Variants in VWF observed in about 807,000 individuals in gnomAD.
The protein encoded by VWF is Factor VIII related antigen.
A neutral mutation model predicts 308.6 loss-of-function variants in VWF; 176 were observed. The ratio of observed to expected loss-of-function variants is 0.57; its 90% confidence interval spans 0.50 to 0.65. VWF has a LOEUF of 0.65. Ranked by LOEUF, VWF falls within the 30% of genes least tolerant of loss-of-function variation. The pLI is 0.00. For synonymous variants in VWF, 1,385 were observed against 1,443.4 expected, an observed-to-expected ratio of 0.96 and a Z score of 0.92; for missense variants, 3,146 against 3,648.2, an observed-to-expected ratio of 0.86 and a Z score of 3.55.
intron 44 of VWF, among the ~76,000 whole-genome samples, chr12:5,969,966 C>G (rs1241814077): frequency 6.6e-6 from 1 of 152,214 alleles, no homozygotes; most frequent in Non-Finnish European, 1.5e-5. Flanking sequence ...GAAAATGTCA[C>G]TCCGAGTGCC....
chr12:6,013,342 T>A (rs758793820), intron 32 of VWF, 139 bp downstream of exon 32: 5 of 1,060,082 alleles, frequency 4.7e-6, no homozygotes, highest in African/African-American at 4.7e-5. Context: ...AAGGTCCTGG[T>A]CTATATAATA....
In VWF at chr12:5,951,898, A is replaced by C. The variant is rs1460296329; in HGVS notation, c.8116-15T>G. ...ATAATTTTACCCTAAGAAAACAGCAAAATTTCAGGTTAGGCACAAACAGTA... is the reference window on the plus strand; with the variant it reads ...ATAATTTTACCCTAAGAAAACAGCACAATTTCAGGTTAGGCACAAACAGTA... On this transcript the variant is annotated splice_polypyrimidine_tract_variant and intron_variant, in intron 49 of 51. Transcript: ENST00000261405. The C allele has an allele frequency of 5.0e-6, 8 of 1,614,154 alleles. No individual in the cohort carries two copies. Among genetic ancestry groups the C allele is most frequent in the Non-Finnish European group, 5.1e-6 (6 of 1,180,006 alleles).
At chr12:6,067,296 G>A (rs1238597673) in intron 10 of VWF, among the ~76,000 whole-genome samples, 2 of 152,122 alleles carry the variant, frequency 1.3e-5, no homozygotes, top group Non-Finnish European at 2.9e-5. Flanking sequence ...TTGACCCCAG[G>A]GCAGTAAAAA....
rs1386475182 is a variant in VWF at position 6,063,946 on chromosome 12, T to G, written c.1432+300A>C. ...ACCTGCCCAAGACTCAACTCGCCCC[T>G]TTGGTTCAAGCCAAATAAAAATCCT... On this transcript the variant is annotated intron_variant, in intron 12 of 51. Transcript: ENST00000261405. This position sits in a 1 kb window ranked among gnomAD's most constrained non-coding sequence, Gnocchi z 4.9. Among the ~76,000 whole-genome samples, 1 of 152,140 alleles carries G rather than the reference T, an allele frequency of 6.6e-6. No individual in the cohort carries two copies. Among genetic ancestry groups the G allele is most frequent in the Non-Finnish European group, 1.5e-5 (1 of 68,020 alleles).
chr12:5,990,864 G>A (rs1943731935), intron 38 of VWF, among the ~76,000 whole-genome samples: 3 of 49,836 alleles, frequency 6.0e-5, no homozygotes, highest in East Asian at 5.1e-4. Context: ...AACTCCCATA[G>A]AGCTAAAAAA....
At chr12:5,968,009 G>A (rs1943423289) in intron 46 of VWF, 118 bp downstream of exon 46, 2 of 1,409,084 alleles carry the variant, frequency 1.4e-6, no homozygotes. Flanking sequence ...GGAAAGCTGG[G>A]GTTGGGTCTC....
intron 20 of VWF, among the ~76,000 whole-genome samples, chr12:6,034,180 C>A (rs1944305846): frequency 1.3e-5 from 2 of 152,144 alleles, no homozygotes; most frequent in South Asian, 4.1e-4. Context: ...GAGAATTCCA[C>A]AAAGCCATAT....
At chr12:6,009,285 G>T (rs1294292368) in intron 34 of VWF, among the ~76,000 whole-genome samples, 3 of 148,624 alleles carry the variant, frequency 2.0e-5, no homozygotes, top group African/African-American at 7.4e-5. Flanking sequence ...ATGAGCAAAG[G>T]ACTTGAAAAG....
At chr12:6,095,841 C>T (rs1020410441) in intron 5 of VWF, 5 of 456,772 alleles carry the variant, frequency 1.1e-5, no homozygotes, top group Non-Finnish European at 2.0e-5. Context: ...ACCCAGTTGT[C>T]CCCCACTCCC....
intron 33 of VWF, 87 bp downstream of exon 33, chr12:6,012,000 A>C: frequency 1.3e-6 from 2 of 1,525,568 alleles, no homozygotes; most frequent in South Asian, 2.2e-5. Flanking sequence ...CTGGACTAAG[A>C]CCAAAGGAGG....
chr12:6,047,069 A>G (rs1259952272), intron 16 of VWF, among the ~76,000 whole-genome samples: 2 of 152,114 alleles, frequency 1.3e-5, no homozygotes, highest in African/African-American at 2.4e-5. Flanking sequence ...CCACTCTTCT[A>G]GAAAAAAAAT....
intron 10 of VWF, among the ~76,000 whole-genome samples, chr12:6,066,635 G>C (rs2136464622): frequency 6.6e-6 from 1 of 152,344 alleles, no homozygotes; most frequent in African/African-American, 2.4e-5. Flanking sequence ...ACAGATGCTA[G>C]ACCAACGTTG....
chr12:6,036,494 A>G lies in VWF; in HGVS notation c.2443-3T>C. On this transcript the variant is annotated splice_polypyrimidine_tract_variant and splice_region_variant and intron_variant, in intron 18 of 51. Transcript: ENST00000261405. ...ACACATCTGTTCTCATGCCGGACCT[A>G]AGAGAAAAGAATCCAAAAGTCCTCA... 6.2e-7 allele frequency: 1 copy of G among 1,614,060 alleles called. No individual in the cohort carries two copies. The highest frequency in any genetic ancestry group is 2.2e-5 in the East Asian group (1 of 44,880).
chr12:6,111,876 T>C (rs1450260076), intron 3 of VWF, among the ~76,000 whole-genome samples: 1 of 150,202 alleles, frequency 6.7e-6, no homozygotes. Context: ...AAGAACGGCG[T>C]GAACCCAGGA....
chr12:5,974,018 G>A (rs1943506460), intron 43 of VWF, among the ~76,000 whole-genome samples: 1 of 152,194 alleles, frequency 6.6e-6, no homozygotes, highest in African/African-American at 2.4e-5. Context: ...AACTATGGAG[G>A]AGCTTGGGGA....
At chr12:5,994,953 T>C (rs1461509678) in intron 35 of VWF, among the ~76,000 whole-genome samples, 3 of 152,076 alleles carry the variant, frequency 2.0e-5, no homozygotes, top group Non-Finnish European at 2.9e-5. Context: ...TATTGCCAAC[T>C]CATCAGAGCA....
intron 15 of VWF, among the ~76,000 whole-genome samples, chr12:6,055,952 C>G (rs898800844): frequency 1.1e-4 from 17 of 151,872 alleles, no homozygotes; most frequent in African/African-American, 4.1e-4. Context: ...CTACTTTACC[C>G]TAAAAAACAG....
intron 34 of VWF, among the ~76,000 whole-genome samples, chr12:5,997,840 T>C (rs890935335): frequency 1.2e-4 from 19 of 152,226 alleles, no homozygotes; most frequent in African/African-American, 4.3e-4. Flanking sequence ...GCCATATATA[T>C]TAACACATTC....
Position 6,075,318 on chromosome 12 carries a change from G to T in VWF, c.874+17C>A, listed in dbSNP as rs767807341. 59 of 1,613,612 alleles carry T rather than the reference G, an allele frequency of 3.7e-5. No homozygotes were observed. In the Admixed American group the frequency reaches 9.7e-4, roughly 26 times the overall value. On this transcript the variant is annotated intron_variant, in intron 7 of 51. Coordinates refer to ENST00000261405, the MANE Select transcript of VWF (RefSeq NM_000552.5). The surrounding 1 kb of genome is among the most constrained non-coding windows in gnomAD (Gnocchi z 4.7). ...TTCATCCCCGGCAGGGCAGGACGGG[G>T]CAGGGGGCCGACTTACTGCACGCGC...
Sources: gnomAD v4.1 joint callset for allele counts (sites outside exome capture counted in the v4.1 genomes callset) on GRCh38, gnomAD v4.1.1 for gene constraint, Gnocchi (gnomAD v3.1) non-coding constraint, MANE v1.5 for transcripts, NCBI Gene and HGNC (gene_info 2026-07-23, HGNC 2026-07-21) for gene names.